Variants in CCDC14 observed in about 807,000 individuals in gnomAD.
CCDC14 encodes coiled-coil domain-containing protein 14.
CCDC14 carries 71 observed loss-of-function variants against 81.4 expected under a neutral mutation model. That is an observed-to-expected ratio of 0.87 (90% CI 0.72 to 1.06). The LOEUF is 1.06. Among genes scored for constraint, CCDC14 ranks in the 50% least tolerant of loss-of-function variants. The pLI is 0.00. For synonymous variants in CCDC14, 332 were observed against 364.8 expected, an observed-to-expected ratio of 0.91 and a Z score of 1.03; for missense variants, 1,046 against 1,047.3, an observed-to-expected ratio of 1.00 and a Z score of 0.02.
intron 9 of CCDC14, 79 bp downstream of exon 9, chr3:123,944,770 A>T: frequency 9.5e-7 from 1 of 1,054,342 alleles, no homozygotes; most frequent in Non-Finnish European, 1.3e-6. Context: ...ATGAAGTCCT[A>T]GGTATGTCAT....
At chr3:123,926,359 A>G (rs1174504537) in intron 12 of CCDC14, among the ~76,000 whole-genome samples, 1 of 151,916 alleles carries the variant, frequency 6.6e-6, no homozygotes, top group Non-Finnish European at 1.5e-5. Context: ...TCTATTATAC[A>G]TAATTCAGCT....
chr3:123,956,169 A>G, intron 3 of CCDC14, 54 bp from the exon 4 acceptor site: 1 of 1,425,116 alleles, frequency 7.0e-7, no homozygotes, highest in Non-Finnish European at 9.4e-7. Context: ...TTAGTGTAGG[A>G]AAAAATATAA....
intron 5 of CCDC14, among the ~76,000 whole-genome samples, chr3:123,907,217 A>C (rs900515178): frequency 6.6e-6 from 1 of 152,160 alleles, no homozygotes; most frequent in Non-Finnish European, 1.5e-5. Context: ...CAGTTAAGGA[A>C]AGTTTTCTTA....
intron 9 of CCDC14, among the ~76,000 whole-genome samples, chr3:123,938,805 G>T (rs1261589009): frequency 6.6e-6 from 1 of 151,772 alleles, no homozygotes; most frequent in East Asian, 1.9e-4. Context: ...TTAATGGAAA[G>T]AAATTAACAA....
chr3:123,921,309 C>A (rs1329700677), intron 12 of CCDC14, among the ~76,000 whole-genome samples: 1 of 152,004 alleles, frequency 6.6e-6, no homozygotes, highest in Non-Finnish European at 1.5e-5. Flanking sequence ...GTAAAGCACA[C>A]ACATAGACGG....
downstream of CCDC14, among the ~76,000 whole-genome samples, chr3:123,911,228 G>C (rs2034437820): frequency 6.6e-6 from 1 of 152,080 alleles, no homozygotes; most frequent in African/African-American, 2.4e-5. Context: ...TATCATCTCT[G>C]GTAATTCTAT....
In CCDC14 at chr3:123,914,784, T is replaced by C; in HGVS notation, c.2713A>G (p.Lys905Glu). 1 of 1,515,190 alleles carries C rather than the reference T, an allele frequency of 6.6e-7. No individual in the cohort carries two copies. The highest frequency in any genetic ancestry group is 8.8e-7 in the Non-Finnish European group (1 of 1,130,742). The allele number at this position is 1,515,190 out of a possible 1,614,324, so 93.9% of individuals were successfully genotyped here. The change falls in exon 13 of 13, where the codon AAA becomes GAA. Residue 905 changes from lysine to glutamate, a missense_variant. Transcript: ENST00000409697. ...QKSLRTGLLEK is the reference protein window; with the variant it reads ...QKSLRTGLLEE ...TGATGAGTTTTCTTCTGAATTCATT[T>C]CTCCAGAAGACCAGTCCTTAAAGAC... is the stretch of plus-strand genomic sequence containing the variant.
chr3:123,921,833 T>C (rs1192730692), intron 12 of CCDC14, among the ~76,000 whole-genome samples: 1 of 152,250 alleles, frequency 6.6e-6, no homozygotes, highest in African/African-American at 2.4e-5. Flanking sequence ...CTGGGCTGCA[T>C]GTGGCTCAGG....
intron 8 of CCDC14, 36 bp downstream of exon 8, chr3:123,946,767 A>T (rs1435338198): frequency 6.4e-7 from 1 of 1,560,304 alleles, no homozygotes; most frequent in East Asian, 2.2e-5. Context: ...TATTTAGTAT[A>T]ACACCATACT....
At chr3:123,921,608 A>T (rs577558590) in intron 12 of CCDC14, among the ~76,000 whole-genome samples, 3 of 152,316 alleles carry the variant, frequency 2.0e-5, no homozygotes, top group African/African-American at 4.8e-5. Context: ...TTAGATAGAA[A>T]ATCAATAAGG....
chr3:123,924,634 T>C (rs907853529), intron 12 of CCDC14, among the ~76,000 whole-genome samples: 10 of 152,030 alleles, frequency 6.6e-5, no homozygotes, highest in Admixed American at 1.3e-4. Context: ...CATTTCTCCA[T>C]TTAAATGGCC....
intron 12 of CCDC14, among the ~76,000 whole-genome samples, chr3:123,926,640 T>C (rs766917888): frequency 5.3e-5 from 8 of 151,192 alleles, no homozygotes; most frequent in Non-Finnish European, 1.2e-4. Flanking sequence ...AATGGTTTTA[T>C]AACATGTTGT....
chr3:123,946,271 CAAAT>C (rs772024006), intron 8 of CCDC14, among the ~76,000 whole-genome samples: 1 of 150,952 alleles, frequency 6.6e-6, no homozygotes, highest in Admixed American at 6.6e-5. Flanking sequence ...AGAATGGAAA[CAAAT>C]GAATAGAATC....
chr3:123,904,406 G>C (rs1158876744), intron 5 of CCDC14, among the ~76,000 whole-genome samples: 1 of 152,128 alleles, frequency 6.6e-6, no homozygotes, highest in Admixed American at 6.5e-5. Flanking sequence ...GGACTAGTAT[G>C]AGGAGAGAAG....
At chr3:123,916,718 C>A (rs2034721136) in intron 12 of CCDC14, among the ~76,000 whole-genome samples, 1 of 152,152 alleles carries the variant, frequency 6.6e-6, no homozygotes, top group Admixed American at 6.5e-5. Context: ...TATTTCCGAA[C>A]TACAATGAAG....
At chr3:123,933,427 C>T (rs1485742656) in intron 10 of CCDC14, 1 of 453,596 alleles carries the variant, frequency 2.2e-6, no homozygotes, top group Non-Finnish European at 3.9e-6. Context: ...AGTAGGTATT[C>T]AGTAAGTGTT....
intron 12 of CCDC14, among the ~76,000 whole-genome samples, chr3:123,928,321 C>T (rs1366245869): frequency 2.8e-4 from 39 of 137,280 alleles, no homozygotes; most frequent in African/African-American, 6.7e-4. Context: ...CATGGTGAAA[C>T]CCAGTCTCTA....
At chr3:123,889,441 A>G in the CCDC14 span, among the ~76,000 whole-genome samples, 1 of 152,164 alleles carries the variant, frequency 6.6e-6, no homozygotes, top group Admixed American at 6.5e-5. Context: ...ATTGACCAAA[A>G]CAAAGGGGCT....
Position 123,913,458 on chromosome 3 carries a change from TA to T in CCDC14, c.*1320del. On this transcript the variant is annotated 3_prime_UTR_variant, in exon 13 of 13. Coordinates refer to ENST00000409697, the MANE Select transcript of CCDC14 (RefSeq NM_001366335.1). Reference sequence around the variant, plus strand: ...TTTTATTATTTTTTATTTCTGAACTTATTTGTTAAAGAGTTGTGGCCTATTA... The same window carrying T: ...TTTTATTATTTTTTATTTCTGAACTTTTTGTTAAAGAGTTGTGGCCTATTA... 1.0e-6 allele frequency: 1 copy of T among 980,300 alleles called. No individual in the cohort carries two copies. Among genetic ancestry groups the T allele is most frequent in the African/African-American group, 1.7e-5 (1 of 57,224 alleles). The allele number at this position is 980,300 out of a possible 1,614,324, so 60.7% of individuals were successfully genotyped here.
Sources: allele counts gnomAD v4.1 joint callset (sites outside exome capture counted in the v4.1 genomes callset), GRCh38; gene constraint gnomAD v4.1.1; transcripts MANE v1.5; gene names NCBI Gene and HGNC (gene_info 2026-07-23, HGNC 2026-07-21).